Variants in CSMD3 observed in about 807,000 individuals in gnomAD.
CSMD3 encodes the protein CUB and sushi domain-containing protein 3.
A neutral mutation model predicts 435.2 loss-of-function variants in CSMD3; 177 were observed. The ratio of observed to expected loss-of-function variants is 0.41; its 90% CI spans 0.36 to 0.46. The LOEUF (loss-of-function observed/expected upper bound fraction) is 0.46, where lower values mean the gene tolerates loss of function less well. Among genes scored for constraint, CSMD3 ranks in the 20% least tolerant of loss-of-function variants. The probability of loss-of-function intolerance (pLI) is 0.34; values close to 1 mark genes in which losing one functional copy is unlikely to be tolerated. For synonymous variants in CSMD3, 1,656 were observed against 1,520.5 expected (o/e 1.09, Z -2.07); for missense variants, 4,265 against 4,504.6 (o/e 0.95, Z 1.52).
rs1168129501 is a variant in CSMD3, at chr8:112,545,459, G to A, written c.4564+5212C>T. Among the ~76,000 whole-genome samples, 4 of 125,904 alleles carry A rather than the reference G, an allele frequency of 3.2e-5. No individual in the cohort carries two copies. In the South Asian group the frequency reaches 1.0e-3, roughly 32 times the overall value. 82.6% of individuals were successfully genotyped at this position (125,904 alleles called of 152,430 possible). A position where few individuals can be genotyped will look rare whatever the true frequency, so the allele number is the denominator to read the frequency against. On this transcript the variant is annotated intron_variant, in intron 27 of 70. Coordinates refer to ENST00000297405, the MANE Select transcript of CSMD3 (RefSeq NM_198123.2). ...GATCGTGCCACTGCACTCCAGCCTG[G>A]GCGACAGAGCGAGACTCCATCTCAA...
intron 28 of CSMD3, among the ~76,000 whole-genome samples, chr8:112,512,465 A>G (rs1823237099): frequency 6.6e-6 from 1 of 152,198 alleles, no homozygotes; most frequent in African/African-American, 2.4e-5. Context: ...CAATGGGTAC[A>G]TTTTCAACGA....
intron 29 of CSMD3, among the ~76,000 whole-genome samples, chr8:112,505,676 T>C (rs1467225662): frequency 6.6e-6 from 1 of 151,860 alleles, no homozygotes; most frequent in African/African-American, 2.4e-5. Flanking sequence ...GTCTTAGTTA[T>C]TACGTTTTTT....
chr8:113,401,865 A>C (rs1174259460), intron 1 of CSMD3, among the ~76,000 whole-genome samples: 1 of 151,636 alleles, frequency 6.6e-6, no homozygotes, highest in Non-Finnish European at 1.5e-5. Context: ...TGTTCAGTAC[A>C]TGCTGTACAA....
At chr8:112,732,433 TA>T (rs2077094136) in intron 13 of CSMD3, among the ~76,000 whole-genome samples, 1 of 151,936 alleles carries the variant, frequency 6.6e-6, no homozygotes, top group African/African-American at 2.4e-5. Context: ...AGACATGAAT[TA>T]AAAATAGATA....
intron 5 of CSMD3, among the ~76,000 whole-genome samples, chr8:113,057,413 G>T (rs2088390737): frequency 6.6e-6 from 1 of 151,624 alleles, no homozygotes; most frequent in Non-Finnish European, 1.5e-5. Flanking sequence ...TTTAAGAAAA[G>T]AAAATTTAAC....
At chr8:112,486,709 T>C (rs1820170236) in intron 31 of CSMD3, among the ~76,000 whole-genome samples, 1 of 152,166 alleles carries the variant, frequency 6.6e-6, no homozygotes, top group African/African-American at 2.4e-5. Context: ...TGTTTACATA[T>C]CACTTTCATA....
chr8:112,543,792 A>G (rs1826903130), intron 27 of CSMD3, among the ~76,000 whole-genome samples: 3 of 152,200 alleles, frequency 2.0e-5, no homozygotes. Context: ...AGTTCATTGC[A>G]GTATTATTCA....
intron 1 of CSMD3, among the ~76,000 whole-genome samples, chr8:113,436,208 C>CT (rs1490334478): frequency 1.3e-5 from 2 of 152,172 alleles, no homozygotes; most frequent in Admixed American, 1.3e-4. Context: ...TCCCTGTGCC[C>CT]TAATGCATTT....
At chr8:112,875,805 T>C (rs1378905064) in intron 10 of CSMD3, among the ~76,000 whole-genome samples, 1 of 152,144 alleles carries the variant, frequency 6.6e-6, no homozygotes, top group Admixed American at 6.6e-5. Context: ...GTTATTCTAG[T>C]TAGCAATTCC....
chr8:112,580,512 C>T (rs1273869521), intron 23 of CSMD3, among the ~76,000 whole-genome samples: 1 of 139,200 alleles, frequency 7.2e-6, no homozygotes, highest in Non-Finnish European at 1.5e-5. Flanking sequence ...AGAAAGGTGG[C>T]AAACATGCTT....
Position 112,987,266 on chromosome 8 carries a change from T to C in CSMD3, c.1031-11118A>G, listed in dbSNP as rs200300913. Among the ~76,000 whole-genome samples the C allele has an allele frequency of 2.6e-5, 4 of 152,120 alleles. No homozygotes were observed. The East Asian group carries it at 7.7e-4, about 29-fold the overall frequency. On this transcript the variant is annotated intron_variant, in intron 6 of 70. Coordinates refer to ENST00000297405, the MANE Select transcript of CSMD3 (RefSeq NM_198123.2). ...TGAATATTCAATCATTTTCCTGAAGTATACTTTTAACCTTTATAAAGGTAA... is the reference window on the plus strand; with the variant it reads ...TGAATATTCAATCATTTTCCTGAAGCATACTTTTAACCTTTATAAAGGTAA...
At chr8:112,808,036 A>T (rs2079134324) in intron 12 of CSMD3, among the ~76,000 whole-genome samples, 1 of 152,148 alleles carries the variant, frequency 6.6e-6, no homozygotes, top group Non-Finnish European at 1.5e-5. Context: ...TAAAAATAAA[A>T]TTATTCCAAA....
chr8:113,267,928 TC>T (rs1325661968), intron 3 of CSMD3, among the ~76,000 whole-genome samples: 1 of 151,758 alleles, frequency 6.6e-6, no homozygotes, highest in African/African-American at 2.4e-5. Flanking sequence ...ATTTAGCTCA[TC>T]CCAGATCTTA....
chr8:112,616,613 G>A (rs1240457003), intron 22 of CSMD3, among the ~76,000 whole-genome samples: 1 of 152,088 alleles, frequency 6.6e-6, no homozygotes, highest in Admixed American at 6.6e-5. Context: ...GATTTGGCTG[G>A]TAAGGTGACA....
At chr8:113,404,216 T>C (rs2094522469) in intron 1 of CSMD3, among the ~76,000 whole-genome samples, 1 of 151,368 alleles carries the variant, frequency 6.6e-6, no homozygotes, top group African/African-American at 2.4e-5. Context: ...ATACATACAG[T>C]TTATTCCTAA....
chr8:112,984,457 A>T (rs1418579510), intron 6 of CSMD3, among the ~76,000 whole-genome samples: 9 of 152,158 alleles, frequency 5.9e-5, no homozygotes, highest in Non-Finnish European at 1.3e-4. Flanking sequence ...CTGATCAATA[A>T]AATCTCACAA....
At chr8:112,383,278 C>T (rs576458527) in intron 37 of CSMD3, among the ~76,000 whole-genome samples, 35 of 152,130 alleles carry the variant, frequency 2.3e-4, no homozygotes, top group Non-Finnish European at 8.8e-5. Context: ...AGGAAAAGAG[C>T]GTACATACTA....
chr8:113,365,335 T>C (rs1157011892), intron 1 of CSMD3, among the ~76,000 whole-genome samples: 4 of 152,068 alleles, frequency 2.6e-5, no homozygotes, highest in African/African-American at 9.7e-5. Context: ...AAAATAGCTA[T>C]ATCTAAAATA....
chr8:113,296,054 A>G (rs2093718835), intron 2 of CSMD3, among the ~76,000 whole-genome samples: 1 of 151,944 alleles, frequency 6.6e-6, no homozygotes, highest in Non-Finnish European at 1.5e-5. Context: ...AGGACAAAAA[A>G]CCAAACATTG....
Sources: gnomAD v4.1 joint callset for allele counts (sites outside exome capture counted in the v4.1 genomes callset) on GRCh38, gnomAD v4.1.1 for gene constraint, MANE v1.5 for transcripts, NCBI Gene and HGNC (gene_info 2026-07-23, HGNC 2026-07-21) for gene names.